Variants in TEX11 observed in about 807,000 individuals in gnomAD.
TEX11 encodes testis expressed 11.
In TEX11, 7 loss-of-function variants were observed where a neutral mutation model predicts 84.4. The observed-to-expected ratio is 0.08, with a 90% CI of 0.05 to 0.16. TEX11 has a LOEUF of 0.16. TEX11 is among the 10% of genes least tolerant of loss of function. The pLI, the probability that TEX11 is intolerant of heterozygous loss-of-function variation, is 1.00. For synonymous variants in TEX11, 264 were observed against 222.8 expected (o/e 1.18, Z -1.64); for missense variants, 551 against 660.5 (o/e 0.83, Z 1.82).
intron 7 of TEX11, among the ~76,000 whole-genome samples, chrX:70,834,943 C>T (rs2091397741): frequency 9.0e-6 from 1 of 110,962 alleles, no homozygotes; most frequent in Non-Finnish European, 1.9e-5. Context: ...CAACGTAAGA[C>T]ACCAGCTTCT....
At chrX:70,849,746 A>G (rs1484918099) in intron 7 of TEX11, among the ~76,000 whole-genome samples, 1 of 112,270 alleles carries the variant, frequency 8.9e-6, no homozygotes, top group African/African-American at 3.2e-5. Context: ...CAACTTCTGA[A>G]GATGTCATCA....
intron 18 of TEX11, among the ~76,000 whole-genome samples, chrX:70,628,528 G>A: frequency 9.0e-6 from 1 of 111,392 alleles, no homozygotes; most frequent in Non-Finnish European, 1.9e-5. Flanking sequence ...TAGCTATTTG[G>A]TCTTTATTCT....
At chrX:70,687,237 C>T (rs2090196823) in intron 13 of TEX11, among the ~76,000 whole-genome samples, 1 of 111,030 alleles carries the variant, frequency 9.0e-6, no homozygotes, top group Admixed American at 9.6e-5. Flanking sequence ...TAATCCACTT[C>T]CAAGTATTTT....
intron 13 of TEX11, among the ~76,000 whole-genome samples, chrX:70,686,652 T>C (rs1460721210): frequency 9.4e-6 from 1 of 106,091 alleles, no homozygotes; most frequent in East Asian, 2.9e-4. Flanking sequence ...CATATACCTA[T>C]GTAACAAACC....
intron 8 of TEX11, among the ~76,000 whole-genome samples, chrX:70,831,036 T>G (rs1438941017): frequency 8.9e-6 from 1 of 111,886 alleles, no homozygotes; most frequent in South Asian, 3.7e-4. Context: ...TTATTTACAA[T>G]AGCCAAGCTA....
At position 70,572,410 on chromosome X, in the gene TEX11, A is replaced by G. The variant is rs1015978543; in HGVS notation, c.2141-17610T>C. Among the ~76,000 whole-genome samples, 3 of 111,717 alleles carry G rather than the reference A, an allele frequency of 2.7e-5. No homozygotes were observed. The Admixed American group carries it at 2.9e-4, about 11-fold the overall frequency. On this transcript the variant is annotated intron_variant, in intron 25 of 29. Coordinates refer to ENST00000374333, the MANE Select transcript of TEX11 (RefSeq NM_031276.3). ...ACTTTTACACTGTTGGTGGGACTGT[A>G]AACTAGTTCAACTATTGTGGAAGTC...
chrX:70,898,519 A>G (rs2091785201), intron 2 of TEX11, among the ~76,000 whole-genome samples: 1 of 112,219 alleles, frequency 8.9e-6, no homozygotes, highest in Non-Finnish European at 1.9e-5. Context: ...AGAAAGGTAT[A>G]CAGGGGCCAG....
At chrX:70,661,001 T>A (rs1407019915) in intron 16 of TEX11, among the ~76,000 whole-genome samples, 2 of 112,343 alleles carry the variant, frequency 1.8e-5, no homozygotes, top group Admixed American at 1.9e-4. Context: ...TGGGTGCATC[T>A]CACTGAGGAT....
intron 9 of TEX11, among the ~76,000 whole-genome samples, chrX:70,755,942 C>T (rs775892647): frequency 8.9e-6 from 1 of 112,786 alleles, no homozygotes; most frequent in South Asian, 3.7e-4. Context: ...AGGAAGTTCC[C>T]TCCCGTGCTT....
intron 13 of TEX11, among the ~76,000 whole-genome samples, chrX:70,685,406 A>T (rs1476857270): frequency 8.9e-6 from 1 of 111,860 alleles, no homozygotes; most frequent in Non-Finnish European, 1.9e-5. Context: ...CCACCTGCAA[A>T]AGAATAAATT....
chrX:70,817,250 T>TAC (rs1341574531), intron 8 of TEX11, among the ~76,000 whole-genome samples: 1,024 of 91,359 alleles, frequency 0.011, 9 homozygotes, highest in African/African-American at 0.029. Context: ...CACACATATA[T>TAC]ATATACACAC....
chrX:70,760,537 G>A (rs2090901593), intron 9 of TEX11, among the ~76,000 whole-genome samples: 1 of 111,713 alleles, frequency 9.0e-6, no homozygotes, highest in Non-Finnish European at 1.9e-5. Flanking sequence ...AATTGGTGCT[G>A]GGAAAACTGG....
intron 3 of TEX11, among the ~76,000 whole-genome samples, chrX:70,875,584 C>CAAAA (rs34342977): frequency 1.7e-5 from 1 of 60,078 alleles, no homozygotes; most frequent in East Asian, 4.5e-4. Context: ...ACTAAAAATA[C>CAAAA]AAAAAAAAAA....
At chrX:70,686,687 A>T (rs953148365) in intron 13 of TEX11, among the ~76,000 whole-genome samples, 9 of 74,800 alleles carry the variant, frequency 1.2e-4, no homozygotes, top group African/African-American at 3.2e-4. Context: ...ATGTATCCAG[A>T]ACTTAAAGTA....
intron 13 of TEX11, among the ~76,000 whole-genome samples, chrX:70,691,322 C>T (rs1307657707): frequency 8.9e-6 from 1 of 111,825 alleles, no homozygotes; most frequent in African/African-American, 3.2e-5. Context: ...GGGTACATAT[C>T]CAAAATAATT....
At chrX:70,843,855 G>A (rs916604028) in intron 7 of TEX11, among the ~76,000 whole-genome samples, 5 of 111,821 alleles carry the variant, frequency 4.5e-5, no homozygotes, top group Admixed American at 1.9e-4. Context: ...AAAAACACAT[G>A]AAAAAATGCT....
At chrX:70,512,372 C>T in the TEX11 span, among the ~76,000 whole-genome samples, 1 of 107,788 alleles carries the variant, frequency 9.3e-6, no homozygotes, top group African/African-American at 3.5e-5. Context: ...GTGCACACCA[C>T]CACACCCGGC....
Position 70,575,479 on chromosome X carries a change from A to C in TEX11, c.2140+16272T>G, listed in dbSNP as rs2088661359. ...TATGGCCCTTAAAAAAGAGGCTTCC[A>C]CACAGCACTAACTTTTCTTGCCCTT... On this transcript the variant is annotated intron_variant, in intron 25 of 29. Coordinates refer to ENST00000374333, the MANE Select transcript of TEX11 (RefSeq NM_031276.3). 3.6e-5 allele frequency among the ~76,000 whole-genome samples: 4 copies of C among 111,528 alleles called. No individual in the cohort carries two copies. The Admixed American group carries it at 3.8e-4, about 11-fold the overall frequency.
intron 10 of TEX11, among the ~76,000 whole-genome samples, chrX:70,742,938 G>A (rs2090743270): frequency 9.0e-6 from 1 of 111,256 alleles, no homozygotes; most frequent in South Asian, 3.8e-4. Flanking sequence ...CAGTTCAGTA[G>A]TATTAAGTAT....
Sources: gnomAD v4.1 joint callset for allele counts (sites outside exome capture counted in the v4.1 genomes callset) on GRCh38, gnomAD v4.1.1 for gene constraint, MANE v1.5 for transcripts, NCBI Gene and HGNC (gene_info 2026-07-23, HGNC 2026-07-21) for gene names.